FRMPD2: variants seen among roughly 807,000 people sequenced by gnomAD.
FRMPD2 encodes the protein FERM and PDZ domain-containing protein 2.
FRMPD2 carries 96 observed loss-of-function variants against 140.1 expected under a neutral mutation model. The observed-to-expected ratio is 0.69, with a 90% confidence interval of 0.58 to 0.81. The LOEUF is 0.81. Among genes scored for constraint, FRMPD2 ranks in the 40% least tolerant of loss-of-function variants. The pLI, the probability that FRMPD2 is intolerant of heterozygous loss-of-function variation, is 0.00. For synonymous variants in FRMPD2, 449 were observed against 547.6 expected, an observed-to-expected ratio of 0.82 and a Z score of 2.52; for missense variants, 1,240 against 1,447.4, an observed-to-expected ratio of 0.86 and a Z score of 2.32.
intron 21 of FRMPD2, among the ~76,000 whole-genome samples, chr10:48,179,522 C>T (rs1260843469): frequency 6.6e-6 from 1 of 151,330 alleles, no homozygotes; most frequent in East Asian, 1.9e-4. Context: ...CATGACTCTC[C>T]ATTCTTCATC....
At chr10:48,177,231 C>T (rs1248938934) in intron 22 of FRMPD2, 2 of 151,802 alleles carry the variant, frequency 1.3e-5, no homozygotes, top group East Asian at 3.9e-4. Flanking sequence ...CCTCAGCCTC[C>T]CGAGTAGCTG....
chr10:48,206,904 C>T lies in FRMPD2; in HGVS notation c.1641G>A (p.Val547=). Reference sequence around the variant, plus strand: ...TCTCTGAGAATACTTGGTGAACCAGCACACCGTATTCTGGGAGCTGCTGAG... The same window carrying T: ...TCTCTGAGAATACTTGGTGAACCAGTACACCGTATTCTGGGAGCTGCTGAG... ...RVTQQLPEYG[V]LVHQVFSEKR... The change falls in exon 14 of 29, where the codon GTG becomes GTA. Residue 547 remains valine (V), a synonymous_variant. Transcript: ENST00000374201. The T allele has an allele frequency of 6.2e-7, 1 of 1,613,980 alleles. No homozygotes were observed. Among genetic ancestry groups the T allele is most frequent in the Non-Finnish European group, 8.5e-7 (1 of 1,179,912 alleles).
chr10:48,222,012 GGATGGATGGATA>G (rs1398802778), intron 12 of FRMPD2, among the ~76,000 whole-genome samples: 2 of 151,174 alleles, frequency 1.3e-5, no homozygotes, highest in African/African-American at 2.4e-5. Context: ...ATGGATGGAT[GGATGGATGGATA>G]GATGGATGGA....
intron 12 of FRMPD2, among the ~76,000 whole-genome samples, chr10:48,221,458 T>C (rs1373198201): frequency 1.3e-5 from 2 of 152,178 alleles, no homozygotes. Context: ...GGATGAGGGA[T>C]AAAAGACTAC....
chr10:48,274,734 A>G, upstream of FRMPD2: 1 of 650,550 alleles, frequency 1.5e-6, no homozygotes, highest in Non-Finnish European at 2.8e-6. Context: ...CGAGTGAGTC[A>G]ACAAGGCCCC....
At chr10:48,272,291 T>G (rs1400330771) in intron 1 of FRMPD2, among the ~76,000 whole-genome samples, 1 of 152,244 alleles carries the variant, frequency 6.6e-6, no homozygotes, top group Non-Finnish European at 1.5e-5. Flanking sequence ...TTCTGTGATA[T>G]GCTGAAGAAG....
At chr10:48,251,796 G>A in intron 1 of FRMPD2, 105 bp from the exon 2 acceptor site, 3 of 1,322,456 alleles carry the variant, frequency 2.3e-6, no homozygotes, top group Non-Finnish European at 2.1e-6. Context: ...GGCCACTACT[G>A]CACACCGGCA....
chr10:48,215,833 T>C (rs563040111), intron 12 of FRMPD2, among the ~76,000 whole-genome samples: 4 of 152,218 alleles, frequency 2.6e-5, no homozygotes, highest in Admixed American at 1.3e-4. Context: ...TGCTGGTCCA[T>C]TTTATGTGTC....
At chr10:48,223,329 A>C in intron 10 of FRMPD2, 59 bp from the exon 11 acceptor site, 4 of 1,537,498 alleles carry the variant, frequency 2.6e-6, no homozygotes, top group Non-Finnish European at 3.5e-6. Context: ...ACCATCTCTC[A>C]GACTCATAGC....
chr10:48,160,220 A>AT (rs1175404268), intron 28 of FRMPD2, among the ~76,000 whole-genome samples: 1 of 151,532 alleles, frequency 6.6e-6, no homozygotes, highest in African/African-American at 2.4e-5. Context: ...ATTACAAGAT[A>AT]TTTTTATAAA....
intron 21 of FRMPD2, among the ~76,000 whole-genome samples, chr10:48,179,882 G>A (rs1312444402): frequency 9.2e-5 from 14 of 152,340 alleles, no homozygotes; most frequent in East Asian, 5.8e-4. Context: ...AGGATAGGTC[G>A]TGGGAGACCT....
At chr10:48,241,841 T>C (rs1264863453) in intron 5 of FRMPD2, among the ~76,000 whole-genome samples, 1 of 152,178 alleles carries the variant, frequency 6.6e-6, no homozygotes, top group Non-Finnish European at 1.5e-5. Flanking sequence ...GAATCATGGG[T>C]TCTAAACATT....
At chr10:48,235,672 G>A (rs1839950640) in intron 9 of FRMPD2, among the ~76,000 whole-genome samples, 1 of 152,242 alleles carries the variant, frequency 6.6e-6, no homozygotes, top group African/African-American at 2.4e-5. Flanking sequence ...TTGACAATGT[G>A]TGCGCTTCCA....
At chr10:48,181,539 T>C (rs1354447866) in intron 20 of FRMPD2, among the ~76,000 whole-genome samples, 2 of 152,084 alleles carry the variant, frequency 1.3e-5, no homozygotes, top group African/African-American at 4.8e-5. Flanking sequence ...CAGGTCCTTT[T>C]GGGAGGCTTG....
Position 48,204,265 on chromosome 10 carries a change from T to C in FRMPD2, c.1797+2483A>G, listed in dbSNP as rs779028773. 3.7e-4 allele frequency among the ~76,000 whole-genome samples: 57 copies of C among 152,346 alleles called. No homozygotes were observed. In the Middle Eastern group the frequency reaches 0.014, roughly 36 times the overall value. The stretch of plus-strand genomic sequence containing the variant: ...TCCCTATCAGGGATATACTCTATAA[T>C]TGTGTATACCGCATTATCAACACAT... On this transcript the variant is annotated intron_variant, in intron 14 of 28. Transcript: ENST00000374201.
chr10:48,183,966 G>A (rs748154846), intron 20 of FRMPD2, among the ~76,000 whole-genome samples: 1 of 152,176 alleles, frequency 6.6e-6, no homozygotes, highest in African/African-American at 2.4e-5. Context: ...CTACTTGAGG[G>A]AGGAGGATGG....
intron 12 of FRMPD2, among the ~76,000 whole-genome samples, chr10:48,219,537 C>A (rs1839532143): frequency 6.6e-6 from 1 of 152,144 alleles, no homozygotes; most frequent in Non-Finnish European, 1.5e-5. Context: ...GGTCTGTTCC[C>A]AAGCCTTTCC....
At position 48,274,570 on chromosome 10, in the gene FRMPD2, A is replaced by T; in HGVS notation, c.-3T>A. On this transcript the variant is annotated 5_prime_UTR_variant, in exon 1 of 29. Transcript: ENST00000374201. ...GCGTCCTTCGTTAAAGGCTGCATCC[A>T]AAAGTCTCCGTGACCAGGTCTAGGC... 6.2e-7 allele frequency: 1 copy of T among 1,614,038 alleles called. No individual in the cohort carries two copies. Among genetic ancestry groups the T allele is most frequent in the Non-Finnish European group, 8.5e-7 (1 of 1,179,860 alleles).
intron 14 of FRMPD2, among the ~76,000 whole-genome samples, chr10:48,204,792 C>A (rs115772627): frequency 0.017 from 2,653 of 152,270 alleles, 66 homozygotes; most frequent in African/African-American, 0.059. Flanking sequence ...TGTTTCCATG[C>A]ATTTCTCTTC....
Sources: gnomAD v4.1 joint callset for allele counts (sites outside exome capture counted in the v4.1 genomes callset) on GRCh38, gnomAD v4.1.1 for gene constraint, MANE v1.5 for transcripts, NCBI Gene and HGNC (gene_info 2026-07-23, HGNC 2026-07-21) for gene names.